The following C20orf203 variants were observed in gnomAD, a reference collection of about 807,000 sequenced individuals.
C20orf203 encodes the protein uncharacterized protein C20orf203.
A neutral mutation model predicts 15.9 loss-of-function variants in C20orf203; 16 were observed. The ratio of observed to expected loss-of-function variants is 1.01; its 90% CI spans 0.68 to 1.53. The LOEUF (loss-of-function observed/expected upper bound fraction) is 1.53, where lower values mean the gene tolerates loss of function less well. Ranked by LOEUF, C20orf203 falls within the 40% of genes most tolerant of loss-of-function variation. C20orf203 has a pLI of 0.00. For synonymous variants in C20orf203, 98 were observed against 97.2 expected (o/e 1.01, Z -0.05); for missense variants, 263 against 247.5 (o/e 1.06, Z -0.42).
At chr20:32,647,561 T>TG in intron 4 of C20orf203, among the ~76,000 whole-genome samples, 1 of 151,966 alleles carries the variant, frequency 6.6e-6, no homozygotes, top group East Asian at 1.9e-4. Context: ...AAAAATTAGC[T>TG]GGGTATTTTA....
At chr20:32,663,228 G>T (rs1158881008) in intron 1 of C20orf203, among the ~76,000 whole-genome samples, 1 of 151,796 alleles carries the variant, frequency 6.6e-6, no homozygotes, top group African/African-American at 2.4e-5. Flanking sequence ...GATTATAGGT[G>T]CGAGCCCCCG....
intron 1 of C20orf203, among the ~76,000 whole-genome samples, chr20:32,666,154 G>GTAAAAAAAAAAAAAAAAAAAAAAA (rs1983015918): frequency 2.7e-5 from 1 of 36,714 alleles, no homozygotes; most frequent in African/African-American, 1.1e-4. Context: ...AATAAATAAA[G>GTAAAAAAAAAAAAAAAAAAAAAAA]TAAAAAAAAA....
At chr20:32,662,657 G>C (rs1442312800) in intron 1 of C20orf203, among the ~76,000 whole-genome samples, 4 of 151,990 alleles carry the variant, frequency 2.6e-5, no homozygotes, top group Non-Finnish European at 5.9e-5. Flanking sequence ...ATGTTCAACT[G>C]AGGGGTCCTT....
intron 1 of C20orf203, among the ~76,000 whole-genome samples, chr20:32,666,155 T>TAAAAAAAAAAAAAAAAAAAA (rs147487671): frequency 1.4e-4 from 14 of 102,766 alleles, no homozygotes; most frequent in Non-Finnish European, 1.7e-4. Flanking sequence ...ATAAATAAAG[T>TAAAAAAAAAAAAAAAAAAAA]AAAAAAAAAA....
intron 1 of C20orf203, among the ~76,000 whole-genome samples, chr20:32,652,662 C>A (rs905497450): frequency 6.6e-6 from 1 of 151,836 alleles, no homozygotes; most frequent in Non-Finnish European, 1.5e-5. Context: ...CTGTCCAGAC[C>A]CCCAGCATGA....
Position 32,650,633 on chromosome 20 carries a change from G to A in C20orf203, c.384C>T (p.Ala128=). The change falls in exon 4 of 6, where the codon GCC becomes GCT. Residue 128 remains alanine, a synonymous_variant. Transcript: ENST00000608990. ...RDREVGRGLR[A]PAGRGRAMGG... ...CCATTGCCCTCCCCCGCCCAGCAGG[G>A]GCCCGCAGCCCCCTCCCCACTTCCC... is the stretch of plus-strand genomic sequence containing the variant. 1 of 1,548,580 alleles carries A rather than the reference G, an allele frequency of 6.5e-7. No homozygotes were observed. The highest frequency in any genetic ancestry group is 1.2e-5 in the South Asian group (1 of 83,986).
chr20:32,662,413 C>A (rs1054828855), intron 1 of C20orf203, among the ~76,000 whole-genome samples: 1 of 152,068 alleles, frequency 6.6e-6, no homozygotes, highest in African/African-American at 2.4e-5. Flanking sequence ...ACCAGCTTGG[C>A]CAACATGGTG....
intron 4 of C20orf203, among the ~76,000 whole-genome samples, chr20:32,642,656 T>C (rs1277808568): frequency 1.3e-5 from 2 of 152,140 alleles, no homozygotes; most frequent in Non-Finnish European, 2.9e-5. Flanking sequence ...CCTATCTGTC[T>C]AGGGGCTTGT....
intron 4 of C20orf203, among the ~76,000 whole-genome samples, chr20:32,646,074 C>T (rs1255267126): frequency 4.6e-5 from 7 of 151,938 alleles, no homozygotes; most frequent in African/African-American, 1.5e-4. Flanking sequence ...GTCACTTAAC[C>T]TGTCTGTGTC....
chr20:32,653,274 A>G (rs1982682069), intron 1 of C20orf203, among the ~76,000 whole-genome samples: 1 of 152,196 alleles, frequency 6.6e-6, no homozygotes. Context: ...ACAGCCAGTG[A>G]CTAATACAAG....
At chr20:32,659,173 G>A (rs547270966) in intron 1 of C20orf203, among the ~76,000 whole-genome samples, 7 of 152,156 alleles carry the variant, frequency 4.6e-5, no homozygotes, top group Middle Eastern at 3.4e-3. Context: ...CACCGTGCCC[G>A]GCCTAAGACC....
chr20:32,640,084 T>C (rs567732142), intron 5 of C20orf203, among the ~76,000 whole-genome samples: 4 of 152,138 alleles, frequency 2.6e-5, no homozygotes, highest in Non-Finnish European at 5.9e-5. Context: ...AGAATTTGTT[T>C]TTATGTAGAT....
chr20:32,653,790 A>AG (rs1982695226), intron 1 of C20orf203, among the ~76,000 whole-genome samples: 1 of 152,228 alleles, frequency 6.6e-6, no homozygotes, highest in Non-Finnish European at 1.5e-5. Context: ...AGATGACATG[A>AG]TCTTATATAT....
Position 32,650,834 on chromosome 20 carries a change from G to T in C20orf203, c.183C>A (p.Gly61=). 6.8e-7 allele frequency: 1 copy of T among 1,471,306 alleles called. No homozygotes were observed. Among genetic ancestry groups the T allele is most frequent in the Non-Finnish European group, 9.0e-7 (1 of 1,108,926 alleles). The allele number at this position is 1,471,306 out of a possible 1,614,324, so 91.1% of individuals were successfully genotyped here. Residue 61 remains glycine (G), a synonymous_variant, in exon 4 of 6, where the codon GGC becomes GGA. Coordinates refer to ENST00000608990, the MANE Select transcript of C20orf203 (RefSeq NM_182584.4). ...TTGAGGTCCTCCTTCCCGCCCCACC[G>T]CCAAGGTCCCAGAGGTGGGCAGTGA... ...AGLTAHLWDL[G]GGAGRRTSKA... is the part of the protein sequence containing the mutation.
intron 4 of C20orf203, among the ~76,000 whole-genome samples, chr20:32,641,085 G>A (rs1036103863): frequency 5.3e-5 from 8 of 152,060 alleles, no homozygotes; most frequent in Admixed American, 5.2e-4. Flanking sequence ...TTGGGAGGCC[G>A]AGGTGGTCGG....
chr20:32,635,831 T>G (rs6058770), intron 5 of C20orf203, among the ~76,000 whole-genome samples: 38,163 of 152,048 alleles, frequency 0.25, 5,593 homozygotes, highest in Middle Eastern at 0.35. Context: ...AGAGACAGAT[T>G]CTAGGAGGCA....
rs935060295 is a variant in C20orf203 at position 32,650,223 on chromosome 20, C to T, written c.*209G>A. On this transcript the variant is annotated 3_prime_UTR_variant, in exon 4 of 6. Transcript: ENST00000608990. ...CTACCCAGAGCCAGCCTGGCACAGC[C>T]TCGGTCCCTAATCATGTTTGCTGAA... 2.1e-5 allele frequency: 12 copies of T among 570,146 alleles called. No homozygotes were observed. The highest frequency in any genetic ancestry group is 3.4e-5 in the Non-Finnish European group (11 of 319,370). The allele number at this position is 570,146 out of a possible 1,614,324, so 35.3% of individuals were successfully genotyped here.
At chr20:32,635,619 C>A (rs1982118219) in intron 5 of C20orf203, among the ~76,000 whole-genome samples, 1 of 151,428 alleles carries the variant, frequency 6.6e-6, no homozygotes, top group Non-Finnish European at 1.5e-5. Flanking sequence ...AGTTCAAGAC[C>A]AGCCTGGACA....
intron 1 of C20orf203, among the ~76,000 whole-genome samples, chr20:32,652,918 C>G (rs1306531012): frequency 1.3e-5 from 2 of 152,174 alleles, no homozygotes; most frequent in Admixed American, 6.5e-5. Flanking sequence ...GGTCACTGGC[C>G]TTGGGGATGG....
Sources: gnomAD v4.1 joint callset for allele counts (sites outside exome capture counted in the v4.1 genomes callset) on GRCh38, gnomAD v4.1.1 for gene constraint, MANE v1.5 for transcripts, NCBI Gene and HGNC (gene_info 2026-07-23, HGNC 2026-07-21) for gene names.